Variants in PTPN1 observed in about 807,000 individuals in gnomAD.
PTPN1 encodes protein tyrosine phosphatase non-receptor type 1, also known as tyrosine-protein phosphatase non-receptor type 1.
PTPN1 carries 12 observed loss-of-function variants against 59.9 expected under a neutral mutation model. The ratio of observed to expected loss-of-function variants is 0.20; its 90% confidence interval spans 0.13 to 0.32. The LOEUF (loss-of-function observed/expected upper bound fraction) is 0.32, where lower values mean the gene tolerates loss of function less well. PTPN1 is among the 10% of genes least tolerant of loss of function. The pLI is 1.00. For missense variants in PTPN1, 356 were observed against 549.2 expected (o/e 0.65, Z 3.52); for synonymous variants, 178 against 203.6 (o/e 0.87, Z 1.07).
At chr20:50,581,751 C>CT (rs200369567) in intron 9 of PTPN1, among the ~76,000 whole-genome samples, 6,467 of 146,020 alleles carry the variant, frequency 0.044, 258 homozygotes, top group African/African-American at 0.11. Flanking sequence ...TTCTCTCTCT[C>CT]TTTTTTTTTT....
chr20:50,561,029 C>T (rs1175224213), intron 1 of PTPN1, among the ~76,000 whole-genome samples: 1 of 152,224 alleles, frequency 6.6e-6, no homozygotes, highest in Non-Finnish European at 1.5e-5. Flanking sequence ...CTCCAGCCGT[C>T]TGTCGCACCT....
chr20:50,518,662 T>G (rs2082539028), intron 1 of PTPN1, among the ~76,000 whole-genome samples: 1 of 152,192 alleles, frequency 6.6e-6, no homozygotes, highest in South Asian at 2.1e-4. Context: ...TTTGTTGTTT[T>G]TACTCTGAAC....
intron 1 of PTPN1, among the ~76,000 whole-genome samples, chr20:50,537,736 C>T (rs1436318560): frequency 6.6e-6 from 1 of 152,082 alleles, no homozygotes; most frequent in East Asian, 1.9e-4. Flanking sequence ...ACTTTATAAG[C>T]CTGTTGATTG....
Position 50,578,572 on chromosome 20 carries a change from C to T in PTPN1, c.645C>T (p.Cys215=). 6.2e-7 allele frequency: 1 copy of T among 1,614,214 alleles called. No homozygotes were observed. The highest frequency in any genetic ancestry group is 8.5e-7 in the Non-Finnish European group (1 of 1,180,046). ...SPEHGPVVVH[C]SAGIGRSGTF... ...AGCACGGGCCCGTTGTGGTGCACTG[C>T]AGTGCAGGCATCGGCAGGTCTGGAA... The change falls in exon 6 of 10, where the codon TGC becomes TGT. Residue 215 remains cysteine (C), a synonymous_variant. Transcript: ENST00000371621.
intron 1 of PTPN1, among the ~76,000 whole-genome samples, chr20:50,552,027 G>A (rs1432567158): frequency 6.6e-6 from 1 of 152,154 alleles, no homozygotes; most frequent in African/African-American, 2.4e-5. Flanking sequence ...TTTGCTTGCA[G>A]TGGAAGGCTA....
At chr20:50,516,154 A>G (rs1337864070) in intron 1 of PTPN1, among the ~76,000 whole-genome samples, 2 of 152,196 alleles carry the variant, frequency 1.3e-5, no homozygotes, top group Admixed American at 6.5e-5. Flanking sequence ...TGGTTGGTTC[A>G]TAAAATACTT....
chr20:50,541,421 G>A (rs1174699630), intron 1 of PTPN1, among the ~76,000 whole-genome samples: 1 of 152,188 alleles, frequency 6.6e-6, no homozygotes, highest in Admixed American at 6.5e-5. Flanking sequence ...CTGTGCTGAT[G>A]ACCAAGCTAG....
At chr20:50,578,214 G>T (rs139483380) in intron 5 of PTPN1, among the ~76,000 whole-genome samples, 1 of 152,186 alleles carries the variant, frequency 6.6e-6, no homozygotes, top group Non-Finnish European at 1.5e-5. Context: ...CTAAGCAGGC[G>T]CACCCTGCAG....
chr20:50,514,285 TC>T (rs1443322446), intron 1 of PTPN1, among the ~76,000 whole-genome samples: 2 of 152,226 alleles, frequency 1.3e-5, no homozygotes, highest in African/African-American at 2.4e-5. Flanking sequence ...TTGCATTTTA[TC>T]TTGAATAGCT....
chr20:50,582,736 C>T lies in PTPN1; in HGVS notation c.*21C>T. The T allele has an allele frequency of 1.2e-6, 2 of 1,613,496 alleles. No individual in the cohort carries two copies. Among genetic ancestry groups the T allele is most frequent in the Non-Finnish European group, 1.7e-6 (2 of 1,179,786 alleles). On this transcript the variant is annotated 3_prime_UTR_variant, in exon 10 of 10. Coordinates refer to ENST00000371621, the MANE Select transcript of PTPN1 (RefSeq NM_002827.4). This position sits in a 1 kb window ranked among gnomAD's most constrained non-coding sequence, Gnocchi z 4.2. The stretch of plus-strand genomic sequence containing the variant: ...CATAGCCTGACCCTCCTCCACTCCA[C>T]CTCCACCCACTGTCCGCCTCTGCCC...
chr20:50,575,436 A>G (rs911366684), intron 5 of PTPN1, among the ~76,000 whole-genome samples: 1 of 152,120 alleles, frequency 6.6e-6, no homozygotes, highest in Non-Finnish European at 1.5e-5. Flanking sequence ...GGGAGGTCCT[A>G]TACGGGAAGG....
chr20:50,555,387 G>A (rs2082721751), intron 1 of PTPN1, among the ~76,000 whole-genome samples: 2 of 152,348 alleles, frequency 1.3e-5, no homozygotes, highest in East Asian at 1.9e-4. Context: ...CAGTAGCGGG[G>A]TGGGAGTGGA....
intron 6 of PTPN1, 109 bp downstream of exon 6, chr20:50,578,738 C>G: frequency 1.1e-6 from 1 of 893,826 alleles, no homozygotes; most frequent in Non-Finnish European, 1.7e-6. Flanking sequence ...CAGAGACTCA[C>G]TGTGTTAGTC....
intron 1 of PTPN1, among the ~76,000 whole-genome samples, chr20:50,556,223 A>G (rs1476770139): frequency 6.6e-6 from 1 of 152,058 alleles, no homozygotes; most frequent in East Asian, 1.9e-4. Flanking sequence ...TCTGCTGCCC[A>G]GGCTGGAGAG....
chr20:50,559,278 C>G (rs913505618), intron 1 of PTPN1, among the ~76,000 whole-genome samples: 3 of 152,072 alleles, frequency 2.0e-5, no homozygotes, highest in Admixed American at 6.6e-5. Context: ...GCAATCCACC[C>G]ACCTCGGAAT....
At chr20:50,541,187 G>C (rs1568782040) in intron 1 of PTPN1, among the ~76,000 whole-genome samples, 1 of 152,184 alleles carries the variant, frequency 6.6e-6, no homozygotes, top group Admixed American at 6.5e-5. Context: ...TGCCCCATGA[G>C]CCTTCTGTTA....
chr20:50,540,062 A>AT (rs1426691085), intron 1 of PTPN1, among the ~76,000 whole-genome samples: 1 of 150,280 alleles, frequency 6.7e-6, no homozygotes, highest in South Asian at 2.1e-4. Context: ...TTAAAAAAAA[A>AT]TTTTTTTTTC....
Position 50,512,398 on chromosome 20 carries a change from T to G in PTPN1, c.63+1808T>G, listed in dbSNP as rs745579775. 1.0e-3 allele frequency among the ~76,000 whole-genome samples: 156 copies of G among 152,370 alleles called. 1 individual carries two copies. Among genetic ancestry groups the G allele is most frequent in the Non-Finnish European group, 1.9e-3 (127 of 68,034 alleles). On this transcript the variant is annotated intron_variant, in intron 1 of 9. Coordinates refer to ENST00000371621, the MANE Select transcript of PTPN1 (RefSeq NM_002827.4). ...ACTTAGTTCTTAGTTGAATTTTATT[T>G]CTTACAATTTTAAGCCAGAGTGGGT...
intron 1 of PTPN1, among the ~76,000 whole-genome samples, chr20:50,543,199 C>G (rs1036963576): frequency 6.6e-6 from 1 of 152,104 alleles, no homozygotes; most frequent in African/African-American, 2.4e-5. Flanking sequence ...AGTTTATACA[C>G]AACATAAATA....
Sources: allele counts gnomAD v4.1 joint callset (sites outside exome capture counted in the v4.1 genomes callset), GRCh38; gene constraint gnomAD v4.1.1; non-coding constraint Gnocchi (gnomAD v3.1); transcripts MANE v1.5; gene names NCBI Gene and HGNC (gene_info 2026-07-23, HGNC 2026-07-21).